TMCO5A: variants seen among roughly 807,000 people sequenced by gnomAD.
The protein encoded by TMCO5A is transmembrane and coiled-coil domains 5A, also known as transmembrane and coiled-coil domain-containing protein 5A.
In TMCO5A, 34 loss-of-function variants were observed where a neutral mutation model predicts 42.3. The observed-to-expected ratio is 0.80, with a 90% confidence interval of 0.61 to 1.07. The LOEUF is 1.07. Ranked by LOEUF, TMCO5A falls within the 50% of genes least tolerant of loss-of-function variation. TMCO5A has a pLI of 0.00. For missense variants in TMCO5A, 357 were observed against 327.9 expected (o/e 1.09, Z -0.69); for synonymous variants, 131 against 115.6 (o/e 1.13, Z -0.86).
the TMCO5A span, chr15:38,039,934 A>G: frequency 6.6e-6 from 1 of 152,308 alleles, no homozygotes; most frequent in Non-Finnish European, 1.5e-5. Flanking sequence ...TCAAAGGTTC[A>G]ACTAGGGAAA....
chr15:38,033,866 A>G, the TMCO5A span, among the ~76,000 whole-genome samples: 2,278 of 152,216 alleles, frequency 0.015, 64 homozygotes, highest in African/African-American at 0.052. Context: ...CACCCTCCTC[A>G]GCCTTCCAAA....
the TMCO5A span, among the ~76,000 whole-genome samples, chr15:38,021,234 A>T: frequency 6.6e-6 from 1 of 152,224 alleles, no homozygotes; most frequent in Non-Finnish European, 1.5e-5. Context: ...TGCAGATGAT[A>T]TGATCATCCT....
chr15:37,942,431 T>A (rs1432463692), intron 9 of TMCO5A, 176 bp downstream of exon 9: 1 of 570,600 alleles, frequency 1.8e-6, no homozygotes, highest in Non-Finnish European at 3.1e-6. Context: ...ACTTAAAACT[T>A]CCAGTCATTC....
downstream of TMCO5A, among the ~76,000 whole-genome samples, chr15:37,970,381 A>C (rs1890650650): frequency 6.6e-6 from 1 of 152,148 alleles, no homozygotes; most frequent in South Asian, 2.1e-4. Flanking sequence ...CACAAGAAAG[A>C]CCTGCCCCCA....
chr15:37,987,715 T>C, the TMCO5A span, among the ~76,000 whole-genome samples: 1 of 152,042 alleles, frequency 6.6e-6, no homozygotes, highest in African/African-American at 2.4e-5. Context: ...TTCTGTTCCA[T>C]TGGCCAATGT....
chr15:37,937,440 C>G (rs1889559919), intron 5 of TMCO5A, 44 bp downstream of exon 5: 1 of 1,605,998 alleles, frequency 6.2e-7, no homozygotes, highest in South Asian at 1.1e-5. Context: ...CACAACAGCC[C>G]CATTCATCAA....
the TMCO5A span, among the ~76,000 whole-genome samples, chr15:38,034,001 T>C: frequency 3.9e-5 from 6 of 152,300 alleles, no homozygotes; most frequent in Admixed American, 1.3e-4. Flanking sequence ...AGAATTTATT[T>C]CTCACAGTTC....
chr15:37,945,790 T>C (rs1183678485), intron 10 of TMCO5A, among the ~76,000 whole-genome samples: 1 of 152,078 alleles, frequency 6.6e-6, no homozygotes, highest in East Asian at 1.9e-4. Flanking sequence ...AGATGCATAG[T>C]TTTCAAAAAT....
chr15:37,945,715 G>A (rs955243634), intron 10 of TMCO5A, among the ~76,000 whole-genome samples: 7 of 151,944 alleles, frequency 4.6e-5, no homozygotes, highest in Non-Finnish European at 7.4e-5. Flanking sequence ...ACTTTTTAGT[G>A]AGGTTGTTTT....
At chr15:37,955,304 C>G (rs552282956), downstream of TMCO5A, among the ~76,000 whole-genome samples, 1 of 138,664 alleles carries the variant, frequency 7.2e-6, no homozygotes, top group African/African-American at 2.6e-5. Flanking sequence ...TGAAGAAATC[C>G]AAACCTGAAA....
chr15:38,016,073 G>C, the TMCO5A span, among the ~76,000 whole-genome samples: 1 of 152,210 alleles, frequency 6.6e-6, no homozygotes. Flanking sequence ...GGATGATACT[G>C]GGACGTCAAT....
downstream of TMCO5A, among the ~76,000 whole-genome samples, chr15:37,955,771 C>A (rs1371548770): frequency 6.6e-6 from 1 of 152,088 alleles, no homozygotes; most frequent in Non-Finnish European, 1.5e-5. Flanking sequence ...GAAGTCTCCA[C>A]CCCAAATCAA....
chr15:37,938,295 G>A (rs1036982682), intron 6 of TMCO5A, 66 bp downstream of exon 6: 1 of 1,337,362 alleles, frequency 7.5e-7, no homozygotes, highest in African/African-American at 1.5e-5. Flanking sequence ...TGTTAAGTTG[G>A]AAATCAATGT....
the TMCO5A span, among the ~76,000 whole-genome samples, chr15:38,033,611 TTTTTGTTTTG>T: frequency 0.029 from 4,461 of 151,906 alleles, 236 homozygotes; most frequent in African/African-American, 0.1. Context: ...TGTTTGGGTT[TTTTTGTTTTG>T]TTTTGTTTTG....
the TMCO5A span, among the ~76,000 whole-genome samples, chr15:38,037,970 G>A: frequency 1.3e-5 from 2 of 149,670 alleles, no homozygotes; most frequent in East Asian, 2.0e-4. Flanking sequence ...CCAAGATCAC[G>A]CCATCACACT....
At chr15:37,974,722 G>C in the TMCO5A span, among the ~76,000 whole-genome samples, 9 of 151,860 alleles carry the variant, frequency 5.9e-5, no homozygotes, top group Non-Finnish European at 1.2e-4. Context: ...CCTTTTGTAT[G>C]GTTTTTCACA....
chr15:38,000,432 G>C, the TMCO5A span, among the ~76,000 whole-genome samples: 1 of 151,520 alleles, frequency 6.6e-6, no homozygotes, highest in Non-Finnish European at 1.5e-5. Flanking sequence ...CTGGCTAAAA[G>C]TTTCTCGGTT....
At chr15:38,018,949 AG>A in the TMCO5A span, among the ~76,000 whole-genome samples, 1 of 152,184 alleles carries the variant, frequency 6.6e-6, no homozygotes, top group African/African-American at 2.4e-5. Flanking sequence ...TATGTGGAAA[AG>A]TAGTTTAAAC....
chr15:37,976,793 C>CTTTTTTTTTTTTTTTTTTTTTT, the TMCO5A span, among the ~76,000 whole-genome samples: 4 of 116,850 alleles, frequency 3.4e-5, no homozygotes, highest in Non-Finnish European at 6.8e-5. Context: ...TTTCTTCTTT[C>CTTTTTTTTTTTTTTTTTTTTTT]TTTTTTTTTT....
Sources: allele counts gnomAD v4.1 joint callset (sites outside exome capture counted in the v4.1 genomes callset), GRCh38; gene constraint gnomAD v4.1.1; transcripts MANE v1.5; gene names NCBI Gene and HGNC (gene_info 2026-07-23, HGNC 2026-07-21).